Variants in SYN2 observed in about 807,000 individuals in gnomAD.
The protein encoded by SYN2 is synapsin-2.
Under a neutral mutation model 50.9 loss-of-function variants are expected in SYN2, and 19 were observed. That is an observed-to-expected ratio of 0.37 (90% confidence interval 0.26 to 0.55). The LOEUF (loss-of-function observed/expected upper bound fraction) is 0.55. SYN2 is among the 20% of genes least tolerant of loss of function. The pLI is 0.81. For synonymous variants in SYN2, 255 were observed against 224.9 expected, an observed-to-expected ratio of 1.13 and a Z score of -1.20; for missense variants, 587 against 576.4, an observed-to-expected ratio of 1.02 and a Z score of -0.19.
chr3:12,152,931 A>G (rs565459920), intron 5 of SYN2: 13 of 176,900 alleles, frequency 7.3e-5, no homozygotes, highest in Admixed American at 5.9e-4. Flanking sequence ...CAGCATTGGA[A>G]GGCAGGTTAG....
chr3:12,051,140 C>G (rs1290815288), intron 1 of SYN2, among the ~76,000 whole-genome samples: 1 of 152,102 alleles, frequency 6.6e-6, no homozygotes, highest in Non-Finnish European at 1.5e-5. Flanking sequence ...GGATAAGAAT[C>G]CTAGTCTTTT....
At chr3:12,082,700 G>A (rs945917594) in intron 1 of SYN2, among the ~76,000 whole-genome samples, 1 of 151,930 alleles carries the variant, frequency 6.6e-6, no homozygotes, top group African/African-American at 2.4e-5. Context: ...TCAAATCTGG[G>A]GCTTTTATAA....
chr3:12,027,971 G>A lies in SYN2; in HGVS notation c.377+23043G>A, dbSNP rs574439759. ...TAATTCTTTTTTTTTTTTTTACTGT[G>A]CTCTACTTCTTTTTTTTATTTTTTT... On this transcript the variant is annotated intron_variant, in intron 1 of 12. Coordinates refer to ENST00000621198, the MANE Select transcript of SYN2 (RefSeq NM_133625.6). Among the ~76,000 whole-genome samples, 12 of 147,740 alleles carry A rather than the reference G, an allele frequency of 8.1e-5. No homozygotes were observed. The East Asian group carries it at 1.2e-3, about 15-fold the overall frequency.
At position 12,168,336 on chromosome 3, in the gene SYN2, G is replaced by C. The variant is rs375001137; in HGVS notation, c.1056-40G>C. On this transcript the variant is annotated intron_variant, in intron 8 of 12. Transcript: ENST00000621198. Reference sequence around the variant, plus strand: ...CTGGCAAGCAAGCTTTGTGGTGAGCGAATTGCCCCAGCTTCAGGACACCTT... The same window carrying C: ...CTGGCAAGCAAGCTTTGTGGTGAGCCAATTGCCCCAGCTTCAGGACACCTT... 5.8e-6 allele frequency: 9 copies of C among 1,564,902 alleles called. No homozygotes were observed. In the African/African-American group the frequency reaches 1.1e-4, roughly 19 times the overall value.
In SYN2 at chr3:12,057,287, C is replaced by CTGTCTGTCTGTGTGTG. The variant is rs71044259; in HGVS notation, c.377+52362_377+52363insCTGTCTGTGTGTGTGT. ...AACCTGGGCGACAAGGCAAGACTGT[C>CTGTCTGTCTGTGTGTG]TGTGTGTGTGTGTGTGTGTGTGTGT... On this transcript the variant is annotated intron_variant, in intron 1 of 12. Coordinates refer to ENST00000621198, the MANE Select transcript of SYN2 (RefSeq NM_133625.6). Among the ~76,000 whole-genome samples, 107 of 134,002 alleles carry CTGTCTGTCTGTGTGTG rather than the reference C, an allele frequency of 8.0e-4. 2 individuals are homozygous for CTGTCTGTCTGTGTGTG. In the East Asian group the frequency reaches 0.021, roughly 26 times the overall value. The allele number at this position is 134,002 out of a possible 152,430, so 87.9% of individuals were successfully genotyped here.
At chr3:12,061,951 T>C (rs1382315659) in intron 1 of SYN2, among the ~76,000 whole-genome samples, 1 of 152,076 alleles carries the variant, frequency 6.6e-6, no homozygotes, top group Non-Finnish European at 1.5e-5. Flanking sequence ...CTTCCCAACT[T>C]GATCTGTAGA....
chr3:12,162,261 A>AT lies in SYN2; in HGVS notation c.980+114dup, dbSNP rs200744004. 3,503 of 1,413,364 alleles carry AT rather than the reference A, an allele frequency of 2.5e-3. 16 individuals carry two copies. Among genetic ancestry groups the AT allele is most frequent in the Middle Eastern group, 7.8e-3 (40 of 5,112 alleles). The allele number at this position is 1,413,364 out of a possible 1,614,324, so 87.6% of individuals were successfully genotyped here. A position where few individuals can be genotyped will look rare whatever the true frequency, so the allele number is the denominator to read the frequency against. On this transcript the variant is annotated intron_variant, in intron 7 of 12. Coordinates refer to ENST00000621198, the MANE Select transcript of SYN2 (RefSeq NM_133625.6). Reference sequence around the variant, plus strand: ...AGAGAGGGTGCCACTTAAGTCAGAGATTTTTTTACCTGGGTTCCTTTTAAG... The same window carrying AT: ...AGAGAGGGTGCCACTTAAGTCAGAGATTTTTTTTACCTGGGTTCCTTTTAAG...
chr3:12,004,629 GC>G lies in SYN2; in HGVS notation c.79del (p.Gln27SerfsTer64). 2 of 538,768 alleles carry G rather than the reference GC, an allele frequency of 3.7e-6. No individual in the cohort carries two copies. Among genetic ancestry groups the G allele is most frequent in the South Asian group, 2.6e-5 (1 of 38,332 alleles). The allele number at this position is 538,768 out of a possible 1,614,324, so 33.4% of individuals were successfully genotyped here. On this transcript the variant is annotated frameshift_variant, in exon 1 of 13. Transcript: ENST00000621198. LOFTEE classifies it high-confidence loss of function. ...TGCCCAACGGCTACATGACCGACCTGCAGCGGCCCGAGCCCCAGCAGCCGCC... is the reference window on the plus strand; with the variant it reads ...TGCCCAACGGCTACATGACCGACCTGAGCGGCCCGAGCCCCAGCAGCCGCC... ...NLPNGYMTDL[Q>X]RPEPQQPPPP...
At chr3:12,023,392 A>G (rs915082594) in intron 1 of SYN2, among the ~76,000 whole-genome samples, 1 of 151,090 alleles carries the variant, frequency 6.6e-6, no homozygotes, top group Non-Finnish European at 1.5e-5. Flanking sequence ...ACAGTGAAGA[A>G]GTAGAGAGGA....
At chr3:12,021,068 TATAA>T (rs1694124882) in intron 1 of SYN2, among the ~76,000 whole-genome samples, 1 of 152,246 alleles carries the variant, frequency 6.6e-6, no homozygotes, top group Admixed American at 6.5e-5. Context: ...TTTTTTCACT[TATAA>T]ATAATTTTGA....
chr3:12,129,580 TCTTC>T (rs957562135), intron 1 of SYN2, among the ~76,000 whole-genome samples: 3 of 151,416 alleles, frequency 2.0e-5, no homozygotes, highest in Non-Finnish European at 4.4e-5. Context: ...GGGAGGGCAC[TCTTC>T]CTTCTTTTTG....
intron 1 of SYN2, among the ~76,000 whole-genome samples, chr3:12,100,384 A>T (rs1337162113): frequency 6.6e-6 from 1 of 152,204 alleles, no homozygotes; most frequent in African/African-American, 2.4e-5. Context: ...TAATTCGATG[A>T]AGGAACAAGA....
intron 1 of SYN2, among the ~76,000 whole-genome samples, chr3:12,013,262 C>G (rs1205065221): frequency 1.3e-5 from 2 of 152,234 alleles, no homozygotes; most frequent in East Asian, 3.8e-4. Flanking sequence ...AGCCACCACC[C>G]CCAGCCTCTT....
intron 3 of SYN2, among the ~76,000 whole-genome samples, chr3:12,143,569 T>A (rs952910099): frequency 6.6e-6 from 1 of 152,152 alleles, no homozygotes; most frequent in East Asian, 1.9e-4. Context: ...GTTACTTCAG[T>A]TAGGATAATG....
At chr3:12,058,005 C>G (rs576798816) in intron 1 of SYN2, among the ~76,000 whole-genome samples, 3 of 152,244 alleles carry the variant, frequency 2.0e-5, no homozygotes, top group African/African-American at 7.2e-5. Context: ...ATTCCCCAAC[C>G]CTTCTCCATC....
At chr3:12,022,006 G>A (rs1694148485) in intron 1 of SYN2, among the ~76,000 whole-genome samples, 1 of 151,516 alleles carries the variant, frequency 6.6e-6, no homozygotes, top group African/African-American at 2.4e-5. Context: ...GGAGTAAGAG[G>A]TTGCAGTGAG....
chr3:12,024,845 T>G (rs1694220526), intron 1 of SYN2, among the ~76,000 whole-genome samples: 1 of 152,178 alleles, frequency 6.6e-6, no homozygotes, highest in African/African-American at 2.4e-5. Context: ...TATATTCAGC[T>G]TTTAGTAGTT....
chr3:12,175,052 G>A (rs1698032700), intron 10 of SYN2, among the ~76,000 whole-genome samples: 1 of 152,194 alleles, frequency 6.6e-6, no homozygotes, highest in South Asian at 2.1e-4. Context: ...AGGGGAGACA[G>A]GTGAGAGTGG....
At chr3:12,078,561 A>G (rs551751386) in intron 1 of SYN2, among the ~76,000 whole-genome samples, 26 of 152,126 alleles carry the variant, frequency 1.7e-4, no homozygotes, top group Non-Finnish European at 3.2e-4. Flanking sequence ...TAAATAGGAA[A>G]TCCTTTCCCC....
Sources: gnomAD v4.1 joint callset for allele counts (sites outside exome capture counted in the v4.1 genomes callset) on GRCh38, gnomAD v4.1.1 for gene constraint, MANE v1.5 for transcripts, NCBI Gene and HGNC (gene_info 2026-07-23, HGNC 2026-07-21) for gene names.